CNTNAP2: variants seen among roughly 807,000 people sequenced by gnomAD.
The protein encoded by CNTNAP2 is contactin-associated protein-like 2.
Under a neutral mutation model 155.2 loss-of-function variants are expected in CNTNAP2, and 98 were observed. The ratio of observed to expected loss-of-function variants is 0.63; its 90% confidence interval spans 0.54 to 0.75. The LOEUF (loss-of-function observed/expected upper bound fraction) is 0.75. Among genes scored for constraint, CNTNAP2 ranks in the 30% least tolerant of loss-of-function variants. The probability of loss-of-function intolerance (pLI) is 0.00; values close to 1 mark genes in which losing one functional copy is unlikely to be tolerated. For missense variants in CNTNAP2, 1,727 were observed against 1,688.1 expected (o/e 1.02, Z -0.40); for synonymous variants, 651 against 631.2 (o/e 1.03, Z -0.47).
chr7:146,896,038 T>A (rs1209394160), intron 3 of CNTNAP2, among the ~76,000 whole-genome samples: 2 of 152,112 alleles, frequency 1.3e-5, no homozygotes, highest in East Asian at 3.8e-4. Context: ...GAAACTTTAT[T>A]TTTCTTTTAA....
intron 8 of CNTNAP2, among the ~76,000 whole-genome samples, chr7:147,219,689 T>C (rs1803350222): frequency 6.6e-6 from 1 of 152,192 alleles, no homozygotes; most frequent in Non-Finnish European, 1.5e-5. Context: ...CATCCTTTAA[T>C]CCAATGAAGT....
intron 13 of CNTNAP2, among the ~76,000 whole-genome samples, chr7:147,791,658 C>T (rs1349137203): frequency 6.6e-6 from 1 of 152,116 alleles, no homozygotes; most frequent in African/African-American, 2.4e-5. Flanking sequence ...ATGTCTTCAG[C>T]ATACTCATGC....
At chr7:146,896,786 TTTAGTA>T (rs1258893771) in intron 3 of CNTNAP2, among the ~76,000 whole-genome samples, 1 of 152,096 alleles carries the variant, frequency 6.6e-6, no homozygotes, top group South Asian at 2.1e-4. Context: ...ATAATTTTAC[TTTAGTA>T]AGTAATTTTA....
chr7:147,443,026 G>T (rs892824071), intron 10 of CNTNAP2, among the ~76,000 whole-genome samples: 1 of 152,158 alleles, frequency 6.6e-6, no homozygotes, highest in African/African-American at 2.4e-5. Flanking sequence ...CATCTCAGGA[G>T]GTTGTGTGCC....
chr7:147,860,025 A>T (rs764868219), intron 13 of CNTNAP2, among the ~76,000 whole-genome samples: 1 of 152,112 alleles, frequency 6.6e-6, no homozygotes, highest in Non-Finnish European at 1.5e-5. Flanking sequence ...TGTAATTTCC[A>T]TGTGTCAAGG....
intron 8 of CNTNAP2, among the ~76,000 whole-genome samples, chr7:147,173,766 G>A (rs1042597765): frequency 1.3e-5 from 2 of 152,126 alleles, no homozygotes; most frequent in African/African-American, 4.8e-5. Flanking sequence ...AGTGAAGTGG[G>A]ATGGGGACAT....
At chr7:147,383,754 T>A (rs1796580917) in intron 9 of CNTNAP2, among the ~76,000 whole-genome samples, 1 of 152,088 alleles carries the variant, frequency 6.6e-6, no homozygotes, top group Non-Finnish European at 1.5e-5. Context: ...ACCTGCATGT[T>A]CTGCACATGT....
intron 3 of CNTNAP2, among the ~76,000 whole-genome samples, chr7:146,963,529 T>A (rs1355273671): frequency 1.3e-5 from 2 of 152,198 alleles, no homozygotes; most frequent in Non-Finnish European, 2.9e-5. Context: ...TTTAATAGAT[T>A]AATATTATAT....
chr7:146,412,674 C>T (rs1209672629), intron 1 of CNTNAP2, among the ~76,000 whole-genome samples: 2 of 152,228 alleles, frequency 1.3e-5, no homozygotes, highest in East Asian at 3.9e-4. Context: ...AGTTGTGGTG[C>T]CTTATCTATG....
At chr7:147,195,156 A>G (rs1229793114) in intron 8 of CNTNAP2, among the ~76,000 whole-genome samples, 1 of 152,146 alleles carries the variant, frequency 6.6e-6, no homozygotes, top group Non-Finnish European at 1.5e-5. Flanking sequence ...CGGTTTTCCC[A>G]TTACCATTTA....
At chr7:148,250,694 G>C (rs1439933329) in intron 20 of CNTNAP2, among the ~76,000 whole-genome samples, 2 of 152,164 alleles carry the variant, frequency 1.3e-5, no homozygotes, top group African/African-American at 4.8e-5. Context: ...GAAAACACAG[G>C]GGGAGGCACG....
chr7:147,173,926 A>C (rs2116482718), intron 8 of CNTNAP2, among the ~76,000 whole-genome samples: 1 of 152,222 alleles, frequency 6.6e-6, no homozygotes, highest in African/African-American at 2.4e-5. Context: ...TTTGAGTACA[A>C]TTTCATAACC....
chr7:147,804,541 T>C (rs779683532), intron 13 of CNTNAP2, among the ~76,000 whole-genome samples: 1 of 131,388 alleles, frequency 7.6e-6, no homozygotes, highest in African/African-American at 3.6e-5. Flanking sequence ...CTTGCTTCAG[T>C]TTTTGTTTTT....
chr7:147,478,621 C>T (rs964687230), intron 10 of CNTNAP2, among the ~76,000 whole-genome samples: 4 of 152,162 alleles, frequency 2.6e-5, no homozygotes, highest in Non-Finnish European at 5.9e-5. Context: ...TTCTCACTAT[C>T]ACAGGTTCAT....
At chr7:146,626,880 C>T (rs1174978706) in intron 1 of CNTNAP2, among the ~76,000 whole-genome samples, 1 of 152,064 alleles carries the variant, frequency 6.6e-6, no homozygotes, top group Non-Finnish European at 1.5e-5. Flanking sequence ...AAAATGGAGG[C>T]CATTCTGAAG....
intron 15 of CNTNAP2, among the ~76,000 whole-genome samples, chr7:148,073,219 G>A (rs1313154460): frequency 1.3e-5 from 2 of 152,152 alleles, no homozygotes; most frequent in Admixed American, 6.5e-5. Flanking sequence ...GGTAGGCTGC[G>A]TAGTATAAGA....
intron 1 of CNTNAP2, among the ~76,000 whole-genome samples, chr7:146,128,922 C>T (rs1042298033): frequency 1.3e-5 from 2 of 151,734 alleles, no homozygotes; most frequent in African/African-American, 4.8e-5. Context: ...GAGTCAAAAC[C>T]AAAAATGAAA....
chr7:146,392,937 TTTAG>T (rs1795566404), intron 1 of CNTNAP2, among the ~76,000 whole-genome samples: 1 of 152,080 alleles, frequency 6.6e-6, no homozygotes, highest in African/African-American at 2.4e-5. Context: ...ATATTTGAGA[TTTAG>T]TTAAAGAAAA....
At chr7:148,386,181 C>G (rs1165719336) in intron 22 of CNTNAP2, among the ~76,000 whole-genome samples, 1 of 152,034 alleles carries the variant, frequency 6.6e-6, no homozygotes, top group Admixed American at 6.5e-5. Context: ...GAGTTCTTAC[C>G]CAGTGTCCAG....
Sources: gnomAD v4.1 joint callset for allele counts (sites outside exome capture counted in the v4.1 genomes callset) on GRCh38, gnomAD v4.1.1 for gene constraint, MANE v1.5 for transcripts, NCBI Gene and HGNC (gene_info 2026-07-23, HGNC 2026-07-21) for gene names.